Variants in SPATA6L observed in about 807,000 individuals in gnomAD.
SPATA6L encodes spermatogenesis associated 6 like.
In SPATA6L, 68 loss-of-function variants were observed where a neutral mutation model predicts 49.2. That is an observed-to-expected ratio of 1.38 (90% CI 1.14 to 1.69). SPATA6L has a LOEUF of 1.69. Ranked by LOEUF, SPATA6L falls within the 40% of genes most tolerant of loss-of-function variation. SPATA6L has a pLI of 0.00. For synonymous variants in SPATA6L, 198 were observed against 165.7 expected, an observed-to-expected ratio of 1.19 and a Z score of -1.50; for missense variants, 668 against 464.3, an observed-to-expected ratio of 1.44 and a Z score of -4.03.
At chr9:4,618,979 CA>C in intron 7 of SPATA6L, 81 bp from the exon 8 acceptor site, 1 of 1,294,744 alleles carries the variant, frequency 7.7e-7, no homozygotes, top group Non-Finnish European at 1.1e-6. Flanking sequence ...TATTCTACAG[CA>C]GTACAAAAAT....
intron 9 of SPATA6L, among the ~76,000 whole-genome samples, 168 bp from the exon 10 acceptor site, chr9:4,605,608 G>A (rs533026535): frequency 6.6e-6 from 1 of 152,170 alleles, no homozygotes; most frequent in African/African-American, 2.4e-5. Context: ...CCTACCCATA[G>A]GAAAAGCACT....
At chr9:4,617,774 G>A in intron 9 of SPATA6L, 149 bp downstream of exon 9, 1 of 647,322 alleles carries the variant, frequency 1.5e-6, no homozygotes, top group East Asian at 3.0e-5. Flanking sequence ...TGACTTTTGG[G>A]TAGATTTTAA....
chr9:4,641,082 A>G (rs10974702), intron 3 of SPATA6L, among the ~76,000 whole-genome samples: 18,406 of 152,198 alleles, frequency 0.12, 1,552 homozygotes, highest in African/African-American at 0.23. Context: ...ATATATGTTG[A>G]AAATACATAT....
At chr9:4,644,685 T>TCTCTCTCACACA (rs1438618515) in intron 3 of SPATA6L, among the ~76,000 whole-genome samples, 1 of 107,680 alleles carries the variant, frequency 9.3e-6, no homozygotes, top group African/African-American at 3.8e-5. Context: ...TCTCTCTCTC[T>TCTCTCTCACACA]CACACACACA....
intron 5 of SPATA6L, chr9:4,627,725 T>A (rs1830610976): frequency 5.4e-6 from 7 of 1,288,780 alleles, no homozygotes; most frequent in Non-Finnish European, 5.1e-6. Flanking sequence ...GTAGTACACA[T>A]GGATGCCCTA....
intron 6 of SPATA6L, among the ~76,000 whole-genome samples, chr9:4,623,729 C>A (rs977823122): frequency 6.6e-6 from 1 of 151,958 alleles, no homozygotes; most frequent in African/African-American, 2.4e-5. Context: ...GTTTTAATCC[C>A]CTAAGAAATC....
At chr9:4,615,252 C>G (rs998532376) in intron 9 of SPATA6L, among the ~76,000 whole-genome samples, 6 of 152,192 alleles carry the variant, frequency 3.9e-5, no homozygotes, top group Non-Finnish European at 7.3e-5. Context: ...GTAGAAAGCT[C>G]TTTGCATACT....
At chr9:4,605,850 G>T (rs1213478979) in intron 9 of SPATA6L, among the ~76,000 whole-genome samples, 2 of 152,234 alleles carry the variant, frequency 1.3e-5, no homozygotes, top group Non-Finnish European at 2.9e-5. Context: ...CCAGCTCCCA[G>T]CGTGAGCGAC....
At chr9:4,627,242 A>G (rs1490781567) in intron 5 of SPATA6L, 1 of 154,160 alleles carries the variant, frequency 6.5e-6, no homozygotes, top group African/African-American at 2.4e-5. Context: ...TTAAGATGGT[A>G]GAATGGAAGA....
Position 4,662,553 on chromosome 9 carries a change from G to A in SPATA6L, c.40-517C>T. The A allele has an allele frequency of 6.3e-7, 1 of 1,577,884 alleles. No individual in the cohort carries two copies. Among genetic ancestry groups the A allele is most frequent in the Non-Finnish European group, 8.5e-7 (1 of 1,171,120 alleles). ...GGACCCCACCTGCGCCCGGCTCCGT[G>A]CATCGGAGAGCCCAGTTCACCGCCG... On this transcript the variant is annotated intron_variant, in intron 1 of 11. Transcript: ENST00000682582. This position sits in a 1 kb window ranked among gnomAD's most constrained non-coding sequence, Gnocchi z 4.9.
Position 4,599,850 on chromosome 9 carries a change from G to T in SPATA6L, c.*961C>A, listed in dbSNP as rs996538934. On this transcript the variant is annotated 3_prime_UTR_variant, in exon 12 of 12. Transcript: ENST00000682582. Reference sequence around the variant, plus strand: ...GACACAAACATTCACACTATAGTAGGGCTGGTAGAGGAAAATGCTATGCTT... The same window carrying T: ...GACACAAACATTCACACTATAGTAGTGCTGGTAGAGGAAAATGCTATGCTT... Among the ~76,000 whole-genome samples, 10 of 152,230 alleles carry T rather than the reference G, an allele frequency of 6.6e-5. No individual in the cohort carries two copies. The East Asian group carries it at 1.9e-3, about 29-fold the overall frequency.
intron 3 of SPATA6L, among the ~76,000 whole-genome samples, chr9:4,637,118 T>A (rs978423925): frequency 2.6e-5 from 4 of 152,038 alleles, no homozygotes; most frequent in Admixed American, 6.6e-5. Context: ...TCTAATAATC[T>A]CTCCTAATTC....
chr9:4,655,742 G>T (rs2130756332), intron 3 of SPATA6L, among the ~76,000 whole-genome samples: 1 of 152,044 alleles, frequency 6.6e-6, no homozygotes, highest in African/African-American at 2.4e-5. Context: ...GTAGAGATGG[G>T]GTTTCACCAT....
chr9:4,627,120 G>C (rs745551890), intron 5 of SPATA6L: 8 of 152,242 alleles, frequency 5.3e-5, no homozygotes, highest in Non-Finnish European at 7.3e-5. Context: ...CCAACACGTA[G>C]GGAGGCTGAA....
chr9:4,606,382 A>C (rs1455268705), intron 9 of SPATA6L, among the ~76,000 whole-genome samples: 1 of 125,104 alleles, frequency 8.0e-6, no homozygotes, highest in Non-Finnish European at 1.6e-5. Context: ...TAACCTCTGC[A>C]GACTTAAATG....
At chr9:4,641,884 C>T (rs76366761) in intron 3 of SPATA6L, among the ~76,000 whole-genome samples, 7,325 of 152,292 alleles carry the variant, frequency 0.048, 279 homozygotes, top group Middle Eastern at 0.095. Context: ...GTGACCTCCC[C>T]AGCCTCCCAA....
intron 4 of SPATA6L, 53 bp from the exon 5 acceptor site, chr9:4,629,221 C>G: frequency 2.4e-6 from 3 of 1,254,334 alleles, no homozygotes; most frequent in Non-Finnish European, 3.4e-6. Context: ...AGTTCTTTAG[C>G]CATCTCCTTC....
chr9:4,599,901 T>G lies in SPATA6L; in HGVS notation c.*910A>C, dbSNP rs7039966. ...ACACTATGAAGGAGGGAAATAAGTT[T>G]CCATTTTCAGGCCCCTCTTCTCTGG... is the stretch of plus-strand genomic sequence containing the variant. On this transcript the variant is annotated 3_prime_UTR_variant, in exon 12 of 12. Transcript: ENST00000682582. Among the ~76,000 whole-genome samples, 1 of 151,946 alleles carries G rather than the reference T, an allele frequency of 6.6e-6. No individual in the cohort carries two copies. The highest frequency in any genetic ancestry group is 2.4e-5 in the African/African-American group (1 of 41,330).
In SPATA6L at chr9:4,658,255, G is replaced by C. The variant is rs539080417; in HGVS notation, c.178-2166C>G. Among the ~76,000 whole-genome samples, 4 of 152,282 alleles carry C rather than the reference G, an allele frequency of 2.6e-5. No individual in the cohort carries two copies. In the East Asian group the frequency reaches 7.7e-4, roughly 29 times the overall value. On this transcript the variant is annotated intron_variant, in intron 2 of 11. Transcript: ENST00000682582. ...ATTTTCTCAAGTATGATCTTGGGGA[G>C]TAAATAATCAACATGAACTGCTTAA...
Sources: gnomAD v4.1 joint callset for allele counts (sites outside exome capture counted in the v4.1 genomes callset) on GRCh38, gnomAD v4.1.1 for gene constraint, Gnocchi (gnomAD v3.1) non-coding constraint, MANE v1.5 for transcripts, NCBI Gene and HGNC (gene_info 2026-07-23, HGNC 2026-07-21) for gene names.